GBP1: variants seen among roughly 807,000 people sequenced by gnomAD.
The protein encoded by GBP1 is guanylate-binding protein 1.
A neutral mutation model predicts 69.5 loss-of-function variants in GBP1; 64 were observed. The ratio of observed to expected loss-of-function variants is 0.92; its 90% CI spans 0.75 to 1.13. The LOEUF (loss-of-function observed/expected upper bound fraction) is 1.13, where lower values mean the gene tolerates loss of function less well. GBP1 is among the 50% of genes most tolerant of loss of function. The pLI is 0.00. For synonymous variants in GBP1, 250 were observed against 261.2 expected, an observed-to-expected ratio of 0.96 and a Z score of 0.41; for missense variants, 630 against 704.1, an observed-to-expected ratio of 0.89 and a Z score of 1.19.
intron 10 of GBP1, 29 bp from the exon 11 acceptor site, chr1:89,053,497 A>C: frequency 6.2e-7 from 1 of 1,608,852 alleles, no homozygotes; most frequent in Non-Finnish European, 8.5e-7. Context: ...AGGCTGAGTA[A>C]AGTGTAGCAT....
chr1:89,055,971 G>A (rs1482985978), intron 8 of GBP1, 45 bp downstream of exon 8: 1 of 1,611,192 alleles, frequency 6.2e-7, no homozygotes, highest in Admixed American at 1.7e-5. Flanking sequence ...GTTTGTAGGA[G>A]GCAGGTCAGC....
chr1:89,052,564 T>C lies in GBP1; in HGVS notation c.*791A>G, dbSNP rs1570933545. The stretch of plus-strand genomic sequence containing the variant: ...CATTCTAAATAATAAGTAATTGAAT[T>C]ATTTCAGTTTAGTTACACAGCATCT... On this transcript the variant is annotated 3_prime_UTR_variant, in exon 11 of 11. Coordinates refer to ENST00000370473, the MANE Select transcript of GBP1 (RefSeq NM_002053.3). 1 of 152,218 alleles carries C rather than the reference T, an allele frequency of 6.6e-6. No individual in the cohort carries two copies. Among genetic ancestry groups the C allele is most frequent in the African/African-American group, 2.4e-5 (1 of 41,452 alleles). The allele number at this position is 152,218 out of a possible 1,614,324, so 9.4% of individuals were successfully genotyped here. A position where few individuals can be genotyped will look rare whatever the true frequency, so the allele number is the denominator to read the frequency against.
intron 2 of GBP1, among the ~76,000 whole-genome samples, chr1:89,061,458 A>G (rs1009939076): frequency 1.3e-5 from 2 of 152,188 alleles, no homozygotes; most frequent in Non-Finnish European, 2.9e-5. Context: ...GAAATGATAT[A>G]TCTCCTTAAA....
intron 5 of GBP1, chr1:89,058,471 G>T: frequency 1.9e-6 from 1 of 529,660 alleles, no homozygotes; most frequent in South Asian, 2.6e-5. Flanking sequence ...GATTTGTCTT[G>T]GGCTGTAGTT....
chr1:89,055,872 G>A, intron 8 of GBP1, 144 bp downstream of exon 8: 1 of 965,072 alleles, frequency 1.0e-6, no homozygotes. Flanking sequence ...TGGTATAACA[G>A]CCTGTTTGCA....
At chr1:89,055,269 T>C (rs1213806552) in intron 8 of GBP1, 54 bp from the exon 9 acceptor site, 3 of 1,605,422 alleles carry the variant, frequency 1.9e-6, no homozygotes, top group Non-Finnish European at 2.5e-6. Flanking sequence ...TAAGCAGGTG[T>C]TCCTGTTTGT....
At chr1:89,061,965 C>T (rs1680211295) in intron 2 of GBP1, among the ~76,000 whole-genome samples, 2 of 150,758 alleles carry the variant, frequency 1.3e-5, no homozygotes, top group East Asian at 1.9e-4. Flanking sequence ...TACTACTTAA[C>T]TTCCATTCGT....
In GBP1 at chr1:89,054,675, T is replaced by C. The variant is rs1340536131; in HGVS notation, c.1665+7A>G. The C allele has an allele frequency of 1.9e-6, 3 of 1,611,006 alleles. No homozygotes were observed. The highest frequency in any genetic ancestry group is 2.5e-6 in the Non-Finnish European group (3 of 1,177,778). Reference sequence around the variant, plus strand: ...AACAGAAACCTCAAGGTGATGCAATTAGATACCTGAAGTTTAAGAGCGAGG... The same window carrying C: ...AACAGAAACCTCAAGGTGATGCAATCAGATACCTGAAGTTTAAGAGCGAGG... On this transcript the variant is annotated splice_region_variant and intron_variant, in intron 10 of 10. Transcript: ENST00000370473.
intron 10 of GBP1, among the ~76,000 whole-genome samples, chr1:89,054,190 C>T (rs2101219085): frequency 6.6e-6 from 1 of 152,090 alleles, no homozygotes; most frequent in East Asian, 1.9e-4. Flanking sequence ...AGCTCTGCCT[C>T]CTGGGTTCAC....
intron 1 of GBP1, among the ~76,000 whole-genome samples, chr1:89,064,725 C>T (rs1680292854): frequency 1.3e-5 from 2 of 152,300 alleles, no homozygotes; most frequent in South Asian, 4.1e-4. Context: ...GCTGTTCTTT[C>T]CTTCCATGAA....
chr1:89,058,994 C>T lies in GBP1; in HGVS notation c.478G>A (p.Glu160Lys), dbSNP rs1680114152. 1 of 1,614,068 alleles carries T rather than the reference C, an allele frequency of 6.2e-7. No homozygotes were observed. Among genetic ancestry groups the T allele is most frequent in the African/African-American group, 1.3e-5 (1 of 74,922 alleles). Residue 160 changes from glutamate to lysine, a missense_variant, in exon 5 of 11, where the codon GAG (glutamate) becomes AAG (lysine). By Grantham distance (56) the Glu-to-Lys change is moderately conservative. Around this residue, in one of 5 missense-constraint regions of GBP1, gnomAD observed 367 missense variants for 369.5 expected, o/e 0.99. Transcript: ENST00000370473. ...HRIRSKSSPD[E>K]NENEVEDSAD... ...GAATCCTCAACCTCATTCTCATTCTCATCAGGTGAGGATTTTGATCGGATT... is the reference window on the plus strand; with the variant it reads ...GAATCCTCAACCTCATTCTCATTCTTATCAGGTGAGGATTTTGATCGGATT...
chr1:89,056,010 G>T lies in GBP1; in HGVS notation c.1368+6C>A. On this transcript the variant is annotated splice_donor_region_variant and intron_variant, in intron 8 of 10. Coordinates refer to ENST00000370473, the MANE Select transcript of GBP1 (RefSeq NM_002053.3). ...TTTCCATAATTGACAGATAAATCTT[G>T]GTTACCTGTATCCCCTTCCTCGGTT... The T allele has an allele frequency of 6.2e-7, 1 of 1,613,808 alleles. No homozygotes were observed. The highest frequency in any genetic ancestry group is 8.5e-7 in the Non-Finnish European group (1 of 1,179,776).
rs549687946 is a variant in GBP1, at chr1:89,053,584, G to A, written c.1666-116C>T. On this transcript the variant is annotated intron_variant, in intron 10 of 10. Coordinates refer to ENST00000370473, the MANE Select transcript of GBP1 (RefSeq NM_002053.3). The stretch of plus-strand genomic sequence containing the variant: ...TAATTTTCTCTGAGTCACGCAAGAC[G>A]TAAATGTCATACTTTGGCCTATCAT... 4.2e-5 allele frequency: 61 copies of A among 1,454,444 alleles called. No individual in the cohort carries two copies. In the East Asian group the frequency reaches 1.1e-3, roughly 26 times the overall value. 90.1% of individuals were successfully genotyped at this position (1,454,444 alleles called of 1,614,324 possible). A position where few individuals can be genotyped will look rare whatever the true frequency, so the allele number is the denominator to read the frequency against.
At chr1:89,059,065 T>C in intron 4 of GBP1, 22 bp from the exon 5 acceptor site, 1 of 1,613,926 alleles carries the variant, frequency 6.2e-7, no homozygotes. Context: ...ACTAAGGAAA[T>C]GTGACAAAAT....
At chr1:89,062,785 A>G (rs539321985) in intron 2 of GBP1, 7 of 412,796 alleles carry the variant, frequency 1.7e-5, no homozygotes, top group Non-Finnish European at 2.6e-5. Flanking sequence ...TATGTACATT[A>G]ATTATTTTTA....
At chr1:89,057,381 C>T (rs566937838) in intron 6 of GBP1, among the ~76,000 whole-genome samples, 44 of 152,298 alleles carry the variant, frequency 2.9e-4, no homozygotes, top group African/African-American at 1.1e-3. Context: ...TACTAGATTA[C>T]ATAGACTTGT....
In GBP1 at chr1:89,055,835, C is replaced by A. The variant is rs1402880064; in HGVS notation, c.1368+181G>T. ...AACTTAATAGTTAATTGACTGCACT[C>A]TCTTTGATGAGCACCTAGGACATAT... On this transcript the variant is annotated intron_variant, in intron 8 of 10. Coordinates refer to ENST00000370473, the MANE Select transcript of GBP1 (RefSeq NM_002053.3). 9.7e-6 allele frequency: 7 copies of A among 718,246 alleles called. No homozygotes were observed. In the African/African-American group the frequency reaches 1.1e-4, roughly 11 times the overall value. The allele number at this position is 718,246 out of a possible 1,614,324, so 44.5% of individuals were successfully genotyped here. A position where few individuals can be genotyped will look rare whatever the true frequency, so the allele number is the denominator to read the frequency against.
rs1022459487 is a variant in GBP1 at position 89,055,848 on chromosome 1, A to G, written c.1368+168T>C. On this transcript the variant is annotated intron_variant, in intron 8 of 10. Transcript: ENST00000370473. ...ATTGACTGCACTCTCTTTGATGAGCACCTAGGACATATCTGGTATAACAGC... is the reference window on the plus strand; with the variant it reads ...ATTGACTGCACTCTCTTTGATGAGCGCCTAGGACATATCTGGTATAACAGC... 1.0e-5 allele frequency: 8 copies of G among 781,350 alleles called. No homozygotes were observed. The Admixed American group carries it at 1.9e-4, about 19-fold the overall frequency. The allele number at this position is 781,350 out of a possible 1,614,324, so 48.4% of individuals were successfully genotyped here. A position where few individuals can be genotyped will look rare whatever the true frequency, so the allele number is the denominator to read the frequency against.
intron 2 of GBP1, among the ~76,000 whole-genome samples, chr1:89,061,767 A>C (rs1680204279): frequency 6.6e-6 from 1 of 152,152 alleles, no homozygotes; most frequent in Non-Finnish European, 1.5e-5. Flanking sequence ...GTATATGATA[A>C]GGGATTGATA....
Sources: gnomAD v4.1 joint callset for allele counts (sites outside exome capture counted in the v4.1 genomes callset) on GRCh38, gnomAD v4.1.1 for gene constraint, gnomAD v4.1.1 regional missense constraint, MANE v1.5 for transcripts, NCBI Gene and HGNC (gene_info 2026-07-23, HGNC 2026-07-21) for gene names.